ATP4A: variants seen among roughly 807,000 people sequenced by gnomAD.
The protein encoded by ATP4A is ATPase H+/K+ transporting subunit alpha.
A neutral mutation model predicts 112.1 loss-of-function variants in ATP4A; 73 were observed. The observed-to-expected ratio is 0.65, with a 90% CI of 0.54 to 0.79. The LOEUF (loss-of-function observed/expected upper bound fraction) is 0.79, where lower values mean the gene tolerates loss of function less well. Ranked by LOEUF, ATP4A falls within the 30% of genes least tolerant of loss-of-function variation. ATP4A has a pLI of 0.00. For missense variants in ATP4A, 1,081 were observed against 1,425.9 expected (o/e 0.76, Z 3.90); for synonymous variants, 588 against 588.9 (o/e 1.00, Z 0.02).
At position 35,556,963 on chromosome 19, in the gene ATP4A, G is replaced by A. The variant is rs766648576; in HGVS notation, c.1819C>T (p.Arg607Trp). ...AGLVSMIDPP[R>W]ATVPDAVLKC... ...AGCACAGCATCAGGGACGGTGGCCC[G>A]GGGTGGGTCAATCATGGATACAAGT... is the stretch of plus-strand genomic sequence containing the variant. The change falls in exon 12 of 22, where the codon CGG becomes TGG. Residue 607 changes from arginine to tryptophan, a missense_variant. Transcript: ENST00000262623. The A allele has an allele frequency of 3.3e-5, 54 of 1,614,066 alleles. No individual in the cohort carries two copies. Among genetic ancestry groups the A allele is most frequent in the Admixed American group, 5.0e-5 (3 of 60,008 alleles).
rs548788506 is a variant in ATP4A at position 35,557,444 on chromosome 19, A to C, written c.1693+211T>G. ...GGTTAGAGGTCAGGATACGGATAAA[A>C]GTCCAGGTGAGGACTGGGGTCAAGG... On this transcript the variant is annotated intron_variant, in intron 11 of 21. Coordinates refer to ENST00000262623, the MANE Select transcript of ATP4A (RefSeq NM_000704.3). The surrounding 1 kb of genome is among the most constrained non-coding windows in gnomAD (Gnocchi z 4.4). Among the ~76,000 whole-genome samples the C allele has an allele frequency of 1.3e-5, 2 of 152,344 alleles. No homozygotes were observed. The highest frequency in any genetic ancestry group is 3.9e-4 in the East Asian group (2 of 5,182).
In ATP4A at chr19:35,551,634, A is replaced by G; in HGVS notation, c.2752-54T>C. The G allele has an allele frequency of 6.3e-7, 1 of 1,580,036 alleles. No homozygotes were observed. The highest frequency in any genetic ancestry group is 1.8e-5 in the Admixed American group (1 of 54,716). On this transcript the variant is annotated intron_variant, in intron 18 of 21. Transcript: ENST00000262623. The surrounding 1 kb of genome is among the most constrained non-coding windows in gnomAD (Gnocchi z 5.2). ...CTGAGTCCAGCCTGAGTCCCGGCGG[A>G]GAGCCTCTGCAGCCCACCGGGCATA... is the stretch of plus-strand genomic sequence containing the variant.
In ATP4A at chr19:35,558,917, T is replaced by A; in HGVS notation, c.1255+76A>T. 6.4e-7 allele frequency: 1 copy of A among 1,560,284 alleles called. No homozygotes were observed. Among genetic ancestry groups the A allele is most frequent in the Non-Finnish European group, 8.8e-7 (1 of 1,138,542 alleles). The stretch of plus-strand genomic sequence containing the variant: ...CCCCGCCTTCGTACAAAGCCCTCCC[T>A]ACCTCCCTATCCCTCTTCAGGTCTC... On this transcript the variant is annotated intron_variant, in intron 8 of 21. Transcript: ENST00000262623. The surrounding 1 kb of genome is among the most constrained non-coding windows in gnomAD (Gnocchi z 5.1).
At chr19:35,563,554 G>T in intron 1 of ATP4A, 27 bp from the exon 2 acceptor site, 1 of 1,613,948 alleles carries the variant, frequency 6.2e-7, no homozygotes, top group Non-Finnish European at 8.5e-7. Flanking sequence ...TGGAGGGAGG[G>T]AGAACTCAGA....
In ATP4A at chr19:35,555,861, TC is replaced by T; in HGVS notation, c.1870-50del. On this transcript the variant is annotated intron_variant, in intron 12 of 21. Transcript: ENST00000262623. This position sits in a 1 kb window ranked among gnomAD's most constrained non-coding sequence, Gnocchi z 6.6. ...CTGACCCCTTCAGATCAGCCCAATC[TC>T]CCTGTCCTCCCTGGGAGACATCTGC... 1 of 1,554,556 alleles carries T rather than the reference TC, an allele frequency of 6.4e-7. No homozygotes were observed. The highest frequency in any genetic ancestry group is 8.7e-7 in the Non-Finnish European group (1 of 1,144,154).
chr19:35,554,733 T>TGTAG (rs60388177), intron 16 of ATP4A, among the ~76,000 whole-genome samples, 189 bp downstream of exon 16: 92,599 of 151,358 alleles, frequency 0.61, 28,565 homozygotes, highest in East Asian at 0.75. Flanking sequence ...TGTGCATGGC[T>TGTAG]GTATGTCCAT....
At chr19:35,552,592 G>A (rs964548278) in intron 18 of ATP4A, among the ~76,000 whole-genome samples, 17 of 152,208 alleles carry the variant, frequency 1.1e-4, no homozygotes, top group African/African-American at 4.1e-4. Flanking sequence ...TCTGGCTTCA[G>A]TGTCTACCTT....
intron 16 of ATP4A, among the ~76,000 whole-genome samples, chr19:35,554,351 C>T (rs1051626971): frequency 6.6e-6 from 1 of 152,068 alleles, no homozygotes; most frequent in Non-Finnish European, 1.5e-5. Context: ...CCTGTCTATG[C>T]CTTGATGAGC....
rs2071648629 is a variant in ATP4A, at chr19:35,558,695, C to G, written c.1256-9G>C. The stretch of plus-strand genomic sequence containing the variant: ...CTGGTCAAACGTCTGCCCTGCAGAC[C>G]AGGCGTCCAGGCTGGGTCCCGCACG... On this transcript the variant is annotated splice_polypyrimidine_tract_variant and intron_variant, in intron 8 of 21. Coordinates refer to ENST00000262623, the MANE Select transcript of ATP4A (RefSeq NM_000704.3). This position sits in a 1 kb window ranked among gnomAD's most constrained non-coding sequence, Gnocchi z 5.1. 2 of 1,579,046 alleles carry G rather than the reference C, an allele frequency of 1.3e-6. No homozygotes were observed. The highest frequency in any genetic ancestry group is 1.7e-6 in the Non-Finnish European group (2 of 1,165,180).
At position 35,559,990 on chromosome 19, in the gene ATP4A, C is replaced by T. The variant is rs757306117; in HGVS notation, c.871G>A (p.Glu291Lys). 5 of 1,614,244 alleles carry T rather than the reference C, an allele frequency of 3.1e-6. No homozygotes were observed. The highest frequency in any genetic ancestry group is 2.2e-5 in the East Asian group (1 of 44,884). ...IASLASGVEN[E>K]KTPIAIEIEH... ...ATCTCGATAGCGATGGGTGTCTTCTCGTTTTCCACCCCCGACGCCAGCGAT... is the reference window on the plus strand; with the variant it reads ...ATCTCGATAGCGATGGGTGTCTTCTTGTTTTCCACCCCCGACGCCAGCGAT... The change falls in exon 7 of 22, where the codon GAG (glutamate) becomes AAG (lysine). Residue 291 changes from glutamate to lysine, a missense_variant. Transcript: ENST00000262623. This position sits in a 1 kb window ranked among gnomAD's most constrained non-coding sequence, Gnocchi z 4.1.
intron 17 of ATP4A, 71 bp from the exon 18 acceptor site, chr19:35,553,253 A>G (rs961114656): frequency 3.3e-6 from 5 of 1,515,918 alleles, no homozygotes; most frequent in Non-Finnish European, 4.5e-6. Flanking sequence ...AGAGAGGGAC[A>G]TGGAGAGACA....
chr19:35,562,959 T>A (rs1168591287), intron 3 of ATP4A, among the ~76,000 whole-genome samples: 1 of 150,604 alleles, frequency 6.6e-6, no homozygotes, highest in Non-Finnish European at 1.5e-5. Context: ...CTCTAATGCT[T>A]TCTCCCTTCT....
In ATP4A at chr19:35,557,384, G is replaced by C. The variant is rs980293970; in HGVS notation, c.1693+271C>G. Among the ~76,000 whole-genome samples, 3 of 152,190 alleles carry C rather than the reference G, an allele frequency of 2.0e-5. No individual in the cohort carries two copies. The highest frequency in any genetic ancestry group is 7.2e-5 in the African/African-American group (3 of 41,442). On this transcript the variant is annotated intron_variant, in intron 11 of 21. Coordinates refer to ENST00000262623, the MANE Select transcript of ATP4A (RefSeq NM_000704.3). The surrounding 1 kb of genome is among the most constrained non-coding windows in gnomAD (Gnocchi z 4.4). ...AGATCTGCTTTCTAGGGTAGAGGCA[G>C]CGAAGTTTAAGGCGTCAGGACAAAA...
At position 35,558,203 on chromosome 19, in the gene ATP4A, G is replaced by A. The variant is rs566319937; in HGVS notation, c.1500+159C>T. On this transcript the variant is annotated intron_variant, in intron 10 of 21. Transcript: ENST00000262623. The surrounding 1 kb of genome is among the most constrained non-coding windows in gnomAD (Gnocchi z 5.1). ...GGGTGGTGGGCGGGGCCTTGCCTCT[G>A]GTGGACGGGGCCATAGGCGGAGCGG... 8.9e-4 allele frequency among the ~76,000 whole-genome samples: 135 copies of A among 151,842 alleles called. No individual in the cohort carries two copies. The highest frequency in any genetic ancestry group is 3.2e-3 in the African/African-American group (132 of 41,426).
At chr19:35,563,313 GCC>G in intron 2 of ATP4A, 45 bp from the exon 3 acceptor site, 5 of 1,613,426 alleles carry the variant, frequency 3.1e-6, no homozygotes, top group Non-Finnish European at 4.2e-6. Context: ...GGCTCTCCTG[GCC>G]CCCTCCCCGC....
intron 4 of ATP4A, 125 bp downstream of exon 4, chr19:35,562,310 T>G: frequency 8.4e-7 from 1 of 1,191,218 alleles, no homozygotes; most frequent in Non-Finnish European, 1.2e-6. Flanking sequence ...GACCCCTGTC[T>G]TGAGACTGCC....
chr19:35,553,822 G>C lies in ATP4A; in HGVS notation c.2489C>G (p.Ser830Cys). Residue 830 changes from serine to cysteine, a missense_variant, in exon 17 of 22, where the codon TCT becomes TGT. Ser to Cys is a moderately radical substitution (Grantham distance 112). This residue lies in a region of ATP4A where 219 missense variants were observed against 320.9 expected (regional missense o/e 0.68). Transcript: ENST00000262623. ...GGCCTTTTCATATGCCAGGGACACA[G>C]ATGGGAACTGGCCAGGAGTGGAAGG... The part of the protein sequence containing the change: ...FIELCTDIFP[S>C]VSLAYEKAES... 1 of 1,575,818 alleles carries C rather than the reference G, an allele frequency of 6.3e-7. No homozygotes were observed. The highest frequency in any genetic ancestry group is 8.6e-7 in the Non-Finnish European group (1 of 1,160,298).
At position 35,555,268 on chromosome 19, in the gene ATP4A, C is replaced by T. The variant is rs770659863; in HGVS notation, c.2224G>A (p.Gly742Arg). 74 of 1,614,080 alleles carry T rather than the reference C, an allele frequency of 4.6e-5. No homozygotes were observed. Among genetic ancestry groups the T allele is most frequent in the African/African-American group, 4.0e-5 (3 of 74,922 alleles). ...DSPALKKADI[G>R]VAMGIAGSDA... is the part of the protein sequence containing the mutation. ...GAGCCAGCGATGCCCATGGCTACTC[C>T]GATGTCTGCCTTCTTCAGAGCTGGG... Residue 742 changes from glycine to arginine, a missense_variant, in exon 15 of 22, where the codon GGA (glycine) becomes AGA (arginine). Around this residue, in one of 3 missense-constraint regions of ATP4A, gnomAD observed 850 missense variants for 1,068.2 expected, o/e 0.80. Coordinates refer to ENST00000262623, the MANE Select transcript of ATP4A (RefSeq NM_000704.3). This position sits in a 1 kb window ranked among gnomAD's most constrained non-coding sequence, Gnocchi z 6.6.
In ATP4A at chr19:35,562,332, T is replaced by A; in HGVS notation, c.420+103A>T. 3 of 1,364,204 alleles carry A rather than the reference T, an allele frequency of 2.2e-6. No individual in the cohort carries two copies. In the Admixed American group the frequency reaches 6.5e-5, roughly 30 times the overall value. 84.5% of individuals were successfully genotyped at this position (1,364,204 alleles called of 1,614,324 possible). A position where few individuals can be genotyped will look rare whatever the true frequency, so the allele number is the denominator to read the frequency against. On this transcript the variant is annotated intron_variant, in intron 4 of 21. Coordinates refer to ENST00000262623, the MANE Select transcript of ATP4A (RefSeq NM_000704.3). ...GTCTTGAGACTGCCTTTCGTGTTCG[T>A]CTATCCCCATCCTTCTCTGCCCCTC...
Sources: allele counts gnomAD v4.1 joint callset (sites outside exome capture counted in the v4.1 genomes callset), GRCh38; gene constraint gnomAD v4.1.1; regional missense constraint gnomAD v4.1.1; non-coding constraint Gnocchi (gnomAD v3.1); transcripts MANE v1.5; gene names NCBI Gene and HGNC (gene_info 2026-07-23, HGNC 2026-07-21).